The following MARCHF1 variants were observed in gnomAD, a reference collection of about 807,000 sequenced individuals.
MARCHF1 encodes the protein membrane associated ring-CH-type finger 1.
A neutral mutation model predicts 54.2 loss-of-function variants in MARCHF1; 40 were observed. The observed-to-expected ratio is 0.74, with a 90% confidence interval of 0.57 to 0.96. MARCHF1 has a LOEUF of 0.96. MARCHF1 is among the 40% of genes least tolerant of loss of function. MARCHF1 has a pLI of 0.00. For synonymous variants in MARCHF1, 236 were observed against 236.3 expected, an observed-to-expected ratio of 1.00 and a Z score of 0.01; for missense variants, 586 against 656.5, an observed-to-expected ratio of 0.89 and a Z score of 1.17.
At chr4:163,625,825 A>G (rs1161742732) in intron 5 of MARCHF1, among the ~76,000 whole-genome samples, 2 of 152,238 alleles carry the variant, frequency 1.3e-5, no homozygotes, top group Admixed American at 6.5e-5. Flanking sequence ...ATGTCCTTTA[A>G]CAATTTTGAA....
chr4:164,351,420 T>C (rs58145164), intron 1 of MARCHF1, among the ~76,000 whole-genome samples: 61,806 of 145,018 alleles, frequency 0.43, 13,917 homozygotes, highest in Non-Finnish European at 0.49. Context: ...GATCTGAGAA[T>C]GGGCAGACTG....
chr4:163,805,997 A>G (rs1437076649), intron 4 of MARCHF1, among the ~76,000 whole-genome samples: 1 of 152,180 alleles, frequency 6.6e-6, no homozygotes, highest in Non-Finnish European at 1.5e-5. Flanking sequence ...CAGGGAAGAT[A>G]TCCTCTACAC....
At chr4:163,961,634 A>G (rs1188722750) in intron 3 of MARCHF1, among the ~76,000 whole-genome samples, 2 of 151,912 alleles carry the variant, frequency 1.3e-5, no homozygotes, top group Non-Finnish European at 1.5e-5. Context: ...TCAAAGGGAC[A>G]CTCAACTGTC....
At chr4:163,730,459 C>T (rs1442451898) in intron 4 of MARCHF1, among the ~76,000 whole-genome samples, 1 of 151,856 alleles carries the variant, frequency 6.6e-6, no homozygotes, top group Non-Finnish European at 1.5e-5. Context: ...ATTTTTATGC[C>T]TTCTGATTGT....
chr4:164,375,335 T>C (rs964951056), intron 1 of MARCHF1, among the ~76,000 whole-genome samples: 2 of 152,108 alleles, frequency 1.3e-5, no homozygotes, highest in Non-Finnish European at 2.9e-5. Context: ...CTAGCAAAAA[T>C]ATATAAATTT....
chr4:163,707,299 C>T (rs540149453), intron 4 of MARCHF1, among the ~76,000 whole-genome samples: 54 of 151,928 alleles, frequency 3.6e-4, no homozygotes, highest in African/African-American at 1.2e-3. Flanking sequence ...AACAATGAAA[C>T]ACAAAAGACT....
At chr4:164,177,806 G>C (rs1025095470) in intron 1 of MARCHF1, among the ~76,000 whole-genome samples, 13 of 149,202 alleles carry the variant, frequency 8.7e-5, no homozygotes, top group East Asian at 8.0e-4. Flanking sequence ...GTATGAAAGA[G>C]ACACACACAC....
intron 1 of MARCHF1, among the ~76,000 whole-genome samples, chr4:164,194,658 A>G (rs1731206243): frequency 1.3e-5 from 2 of 152,190 alleles, no homozygotes; most frequent in Admixed American, 6.5e-5. Flanking sequence ...GTCAAGTTCT[A>G]TGACGCATTT....
intron 1 of MARCHF1, among the ~76,000 whole-genome samples, chr4:164,327,848 T>A (rs1309769384): frequency 6.6e-6 from 1 of 152,204 alleles, no homozygotes; most frequent in Non-Finnish European, 1.5e-5. Context: ...GGAAAGCTGG[T>A]GCAGCTATTC....
intron 1 of MARCHF1, among the ~76,000 whole-genome samples, chr4:164,184,685 G>A (rs553037564): frequency 9.2e-5 from 14 of 152,240 alleles, no homozygotes; most frequent in Middle Eastern, 3.4e-3. Flanking sequence ...GGTATGGCCC[G>A]TCAAGTAATG....
At chr4:164,181,701 T>C (rs1730838841) in intron 1 of MARCHF1, among the ~76,000 whole-genome samples, 1 of 152,188 alleles carries the variant, frequency 6.6e-6, no homozygotes, top group Non-Finnish European at 1.5e-5. Flanking sequence ...TGATAAGCGC[T>C]GCTTAGAACT....
intron 4 of MARCHF1, among the ~76,000 whole-genome samples, chr4:163,725,033 G>T (rs1375400579): frequency 6.6e-6 from 1 of 151,948 alleles, no homozygotes; most frequent in Non-Finnish European, 1.5e-5. Context: ...ACTGTCCAAC[G>T]ATCCCCAGTG....
intron 1 of MARCHF1, among the ~76,000 whole-genome samples, chr4:164,302,632 T>C (rs1057205375): frequency 3.9e-5 from 6 of 152,062 alleles, no homozygotes; most frequent in African/African-American, 1.4e-4. Context: ...AATCCCAGCA[T>C]GTTGTGAGGC....
At position 164,159,629 on chromosome 4, in the gene MARCHF1, G is replaced by A. The variant is rs1730175828; in HGVS notation, c.-322-47967C>T. ...GATCATTACAGCACGTTCTCAATAT[G>A]AGCTTCTGTGTTAGTCCAGGTGATA... On this transcript the variant is annotated intron_variant, in intron 1 of 9. Transcript: ENST00000514618. 4.6e-5 allele frequency among the ~76,000 whole-genome samples: 7 copies of A among 152,130 alleles called. No homozygotes were observed. The South Asian group carries it at 1.4e-3, about 32-fold the overall frequency.
chr4:163,625,528 T>C (rs1007484937), intron 5 of MARCHF1, among the ~76,000 whole-genome samples: 4 of 152,198 alleles, frequency 2.6e-5, no homozygotes, highest in African/African-American at 9.7e-5. Context: ...TTGAACCAAG[T>C]TGAACTGACC....
intron 3 of MARCHF1, among the ~76,000 whole-genome samples, chr4:163,986,342 G>A (rs1290334973): frequency 7.4e-6 from 1 of 135,304 alleles, no homozygotes; most frequent in East Asian, 2.4e-4. Flanking sequence ...TCGGCTCACT[G>A]CAAGCTCCGC....
intron 1 of MARCHF1, among the ~76,000 whole-genome samples, chr4:164,167,259 T>C (rs1050209341): frequency 5.3e-5 from 8 of 151,884 alleles, no homozygotes; most frequent in East Asian, 1.9e-4. Context: ...TAGTGAGATA[T>C]TGATGAAAGA....
Position 163,986,246 on chromosome 4 carries a change from CTTCTTTTT to C in MARCHF1, c.-39+2247_-39+2254del, listed in dbSNP as rs1435773726. Among the ~76,000 whole-genome samples the C allele has an allele frequency of 5.6e-4, 41 of 73,754 alleles. 2 individuals are homozygous for C. Among genetic ancestry groups the C allele is most frequent in the Admixed American group, 9.7e-4 (5 of 5,158 alleles). The allele number at this position is 73,754 out of a possible 152,430, so 48.4% of individuals were successfully genotyped here. On this transcript the variant is annotated intron_variant, in intron 3 of 9. Transcript: ENST00000514618. ...CCTTTCCTTTTCTCCTAATTAACCTCTTCTTTTTTTTTTTTTTTTTTTTTTTTTTTTTT... is the reference window on the plus strand; with the variant it reads ...CCTTTCCTTTTCTCCTAATTAACCTCTTTTTTTTTTTTTTTTTTTTTTTTT...
intron 4 of MARCHF1, among the ~76,000 whole-genome samples, chr4:163,750,477 C>T (rs1241568309): frequency 1.3e-5 from 2 of 151,484 alleles, no homozygotes; most frequent in East Asian, 1.9e-4. Flanking sequence ...CGCCACTGCA[C>T]TCCAGCCTGG....
Sources: gnomAD v4.1 joint callset for allele counts (sites outside exome capture counted in the v4.1 genomes callset) on GRCh38, gnomAD v4.1.1 for gene constraint, MANE v1.5 for transcripts, NCBI Gene and HGNC (gene_info 2026-07-23, HGNC 2026-07-21) for gene names.